The following MAP7D2 variants were observed in gnomAD, a reference collection of about 807,000 sequenced individuals.
MAP7D2 encodes the protein MAP7 domain containing 2.
Under a neutral mutation model 63.5 loss-of-function variants are expected in MAP7D2, and 33 were observed. The ratio of observed to expected loss-of-function variants is 0.52; its 90% CI spans 0.39 to 0.70. MAP7D2 has a LOEUF of 0.70. Ranked by LOEUF, MAP7D2 falls within the 30% of genes least tolerant of loss-of-function variation. The pLI is 0.00. For synonymous variants in MAP7D2, 224 were observed against 223.7 expected (o/e 1.00, Z -0.01); for missense variants, 626 against 604.0 (o/e 1.04, Z -0.38).
intron 8 of MAP7D2, among the ~76,000 whole-genome samples, chrX:20,035,821 G>A (rs756114431): frequency 9.0e-6 from 1 of 110,933 alleles, no homozygotes; most frequent in Non-Finnish European, 1.9e-5. Context: ...GCTGAGGCAG[G>A]AGAATCGCTT....
Position 20,054,325 on chromosome X carries a change from T to A in MAP7D2, c.485-1337A>T, listed in dbSNP as rs192201248. On this transcript the variant is annotated intron_variant, in intron 4 of 16. Transcript: ENST00000379643. ...TTACATAAAACCACGTATATAGGAG[T>A]ACACATTTTCCCTTTTGCTTCAGGC... 1.2e-4 allele frequency among the ~76,000 whole-genome samples: 13 copies of A among 112,341 alleles called. 1 individual carries two copies. In the East Asian group the frequency reaches 3.6e-3, roughly 31 times the overall value.
chrX:20,068,863 T>C (rs1202357523), intron 1 of MAP7D2, among the ~76,000 whole-genome samples: 1 of 111,827 alleles, frequency 8.9e-6, no homozygotes, highest in Non-Finnish European at 1.9e-5. Flanking sequence ...GTATTCCCCA[T>C]ACTGTTCTCA....
At chrX:20,064,837 T>C (rs1399780090) in intron 1 of MAP7D2, 32 bp from the exon 2 acceptor site, 1 of 1,149,400 alleles carries the variant, frequency 8.7e-7, no homozygotes, top group Admixed American at 2.2e-5. Flanking sequence ...TATGTTTCAG[T>C]TCTTCACTCT....
rs778136477 is a variant in MAP7D2, at chrX:20,064,819, A to C, written c.131-14T>G. 1 of 1,188,709 alleles carries C rather than the reference A, an allele frequency of 8.4e-7. No homozygotes were observed. The highest frequency in any genetic ancestry group is 1.7e-5 in the African/African-American group (1 of 57,312). ...ATCCCTCCATGCCTACAAAGGAGAA[A>C]ACTAGATTATGTTTCAGTTCTTCAC... On this transcript the variant is annotated splice_polypyrimidine_tract_variant and intron_variant, in intron 1 of 16. Transcript: ENST00000379643.
intron 1 of MAP7D2, among the ~76,000 whole-genome samples, chrX:20,114,954 G>A (rs903128970): frequency 5.4e-5 from 6 of 111,643 alleles, no homozygotes; most frequent in Admixed American, 9.5e-5. Context: ...TAAGTACCTG[G>A]CCTTGCTAAC....
chrX:20,104,627 C>G (rs2066520695), intron 1 of MAP7D2, among the ~76,000 whole-genome samples: 1 of 112,216 alleles, frequency 8.9e-6, no homozygotes, highest in Non-Finnish European at 1.9e-5. Context: ...TTTAAAAGAG[C>G]TTTTGGTCTG....
intron 1 of MAP7D2, among the ~76,000 whole-genome samples, chrX:20,066,537 G>A (rs2065366346): frequency 9.0e-6 from 1 of 111,691 alleles, no homozygotes; most frequent in Admixed American, 9.5e-5. Context: ...TTTGTTTTTG[G>A]TCATCTCTTA....
At chrX:20,085,008 T>C (rs760398155) in intron 1 of MAP7D2, among the ~76,000 whole-genome samples, 11 of 111,719 alleles carry the variant, frequency 9.8e-5, no homozygotes, top group Non-Finnish European at 1.9e-4. Context: ...GGCAAACACA[T>C]TGAGCTGCCT....
Position 20,025,744 on chromosome X carries a change from C to T in MAP7D2, c.1216G>A (p.Val406Met), listed in dbSNP as rs1286550681. The T allele has an allele frequency of 8.3e-7, 1 of 1,211,872 alleles. No homozygotes were observed. The highest frequency in any genetic ancestry group is 2.2e-5 in the Admixed American group (1 of 46,039). ...TGCTTCTCGCTGGCATGCTTGTCCA[C>T]TACATGCTTCTCTAGGGCTTCCTCT... The part of the protein sequence containing the change: ...QGEEALEKHV[V>M]DKHASEKHAA... The change falls in exon 9 of 17, where the codon GTG becomes ATG. Residue 406 changes from valine to methionine, a missense_variant. Physicochemically the swap from Val to Met is conservative, Grantham distance 21. Coordinates refer to ENST00000379643, the MANE Select transcript of MAP7D2 (RefSeq NM_001168465.2).
Position 20,051,066 on chromosome X carries a change from A to G in MAP7D2, c.596-120T>C, listed in dbSNP as rs2064936774. The G allele has an allele frequency of 5.0e-6, 3 of 596,894 alleles. No homozygotes were observed. In the East Asian group the frequency reaches 1.1e-4, roughly 22 times the overall value. The allele number at this position is 596,894 out of a possible 1,213,427, so 49.2% of individuals were successfully genotyped here. On this transcript the variant is annotated intron_variant, in intron 5 of 16. Transcript: ENST00000379643. ...TTTTGGGTGGCAGAACATGGAAAATAAAAATATTTGAACAAAGGATGGATT... is the reference window on the plus strand; with the variant it reads ...TTTTGGGTGGCAGAACATGGAAAATGAAAATATTTGAACAAAGGATGGATT...
At chrX:20,111,275 G>A (rs762493890) in intron 1 of MAP7D2, among the ~76,000 whole-genome samples, 60 of 111,541 alleles carry the variant, frequency 5.4e-4, no homozygotes, top group Admixed American at 1.3e-3. Flanking sequence ...AACAATTAGC[G>A]GCCATTACTG....
intron 6 of MAP7D2, among the ~76,000 whole-genome samples, chrX:20,046,782 T>TC (rs2064809342): frequency 8.8e-6 from 1 of 113,016 alleles, no homozygotes; most frequent in Admixed American, 9.3e-5. Context: ...AATGCTTTTG[T>TC]CCTTTCTTTG....
chrX:20,079,979 C>T (rs1008844444), intron 1 of MAP7D2, among the ~76,000 whole-genome samples: 7 of 111,265 alleles, frequency 6.3e-5, no homozygotes, highest in Non-Finnish European at 9.4e-5. Flanking sequence ...TCAAAGGTAG[C>T]GAAGGAAGAC....
intron 1 of MAP7D2, among the ~76,000 whole-genome samples, chrX:20,071,945 C>T (rs2065513804): frequency 1.8e-5 from 2 of 110,898 alleles, no homozygotes; most frequent in South Asian, 7.7e-4. Flanking sequence ...TGTGCACCAC[C>T]CTGCCAGGCT....
chrX:20,021,338 C>T (rs909845716), intron 10 of MAP7D2: 14 of 112,485 alleles, frequency 1.2e-4, no homozygotes, highest in African/African-American at 4.5e-4. Context: ...AATAATTGGG[C>T]TTTCCACGGT....
intron 1 of MAP7D2, among the ~76,000 whole-genome samples, chrX:20,088,702 T>C (rs768253526): frequency 4.2e-4 from 46 of 109,924 alleles, no homozygotes; most frequent in Non-Finnish European, 6.3e-4. Context: ...TTTAATGGTG[T>C]CTTTTGAAGA....
intron 8 of MAP7D2, among the ~76,000 whole-genome samples, chrX:20,034,788 T>A (rs769097769): frequency 8.9e-6 from 1 of 111,960 alleles, no homozygotes; most frequent in African/African-American, 3.2e-5. Flanking sequence ...GCCAGTCAGT[T>A]TAGCAGCCAA....
intron 12 of MAP7D2, 124 bp downstream of exon 12, chrX:20,015,099 C>T (rs1018709288): frequency 2.1e-6 from 1 of 480,368 alleles, no homozygotes; most frequent in Admixed American, 3.4e-5. Flanking sequence ...AAGATTTGAA[C>T]AGTGGTATCA....
chrX:20,080,494 C>T (rs1329986454), intron 1 of MAP7D2, among the ~76,000 whole-genome samples: 1 of 111,019 alleles, frequency 9.0e-6, no homozygotes, highest in Non-Finnish European at 1.9e-5. Flanking sequence ...ATGGACAGGG[C>T]ATGTAGGTCT....
Sources: allele counts gnomAD v4.1 joint callset (sites outside exome capture counted in the v4.1 genomes callset), GRCh38; gene constraint gnomAD v4.1.1; transcripts MANE v1.5; gene names NCBI Gene and HGNC (gene_info 2026-07-23, HGNC 2026-07-21).